Variants in RPRD1B observed in about 807,000 individuals in gnomAD.
RPRD1B encodes regulation of nuclear pre-mRNA domain containing 1B, also known as regulation of nuclear pre-mRNA domain-containing protein 1B.
In RPRD1B, 11 loss-of-function variants were observed where a neutral mutation model predicts 41.5. The ratio of observed to expected loss-of-function variants is 0.27; its 90% CI spans 0.17 to 0.44. The LOEUF (loss-of-function observed/expected upper bound fraction) is 0.44. Among genes scored for constraint, RPRD1B ranks in the 20% least tolerant of loss-of-function variants. RPRD1B has a pLI of 1.00. For missense variants in RPRD1B, 248 were observed against 389.9 expected, an observed-to-expected ratio of 0.64 and a Z score of 3.06; for synonymous variants, 158 against 155.6, an observed-to-expected ratio of 1.02 and a Z score of -0.12.
At chr20:38,074,805 G>A (rs969227647) in intron 6 of RPRD1B, among the ~76,000 whole-genome samples, 1 of 152,066 alleles carries the variant, frequency 6.6e-6, no homozygotes, top group Non-Finnish European at 1.5e-5. Context: ...AGGAAACTTA[G>A]CAAATAAGTA....
At chr20:38,038,136 C>G (rs971426796) in intron 1 of RPRD1B, among the ~76,000 whole-genome samples, 1 of 152,136 alleles carries the variant, frequency 6.6e-6, no homozygotes, top group African/African-American at 2.4e-5. Context: ...CTCCAGGTTC[C>G]TAGTATTCTT....
chr20:38,047,538 A>G (rs947287849), intron 2 of RPRD1B, among the ~76,000 whole-genome samples: 2 of 151,976 alleles, frequency 1.3e-5, no homozygotes, highest in Admixed American at 6.5e-5. Context: ...AAAACAGAAG[A>G]TTTCATGGTA....
intron 1 of RPRD1B, among the ~76,000 whole-genome samples, 181 bp from the exon 2 acceptor site, chr20:38,040,241 CTTTTTCTTTTTTT>C (rs907036710): frequency 3.9e-5 from 4 of 102,408 alleles, no homozygotes; most frequent in African/African-American, 2.1e-4. Flanking sequence ...CATTCTTTTT[CTTTTTCTTTTTTT>C]TTTTTCCGAA....
At chr20:38,054,276 A>G (rs1026732047) in intron 3 of RPRD1B, among the ~76,000 whole-genome samples, 1 of 152,122 alleles carries the variant, frequency 6.6e-6, no homozygotes, top group Non-Finnish European at 1.5e-5. Context: ...AATGATTAGT[A>G]ATTCATGTCC....
Position 38,091,118 on chromosome 20 carries a change from T to C in RPRD1B, c.*1243T>C. On this transcript the variant is annotated 3_prime_UTR_variant, in exon 7 of 7. Transcript: ENST00000373433. ...GGTTCAGCCTGCCAATTGTAAATCA[T>C]TCTAATTTGGCAGGCTTATTTTTGA... 3.0e-6 allele frequency: 3 copies of C among 985,884 alleles called. No individual in the cohort carries two copies. The highest frequency in any genetic ancestry group is 2.4e-6 in the Non-Finnish European group (2 of 829,932). The allele number at this position is 985,884 out of a possible 1,614,324, so 61.1% of individuals were successfully genotyped here. A position where few individuals can be genotyped will look rare whatever the true frequency, so the allele number is the denominator to read the frequency against.
chr20:38,064,540 G>A (rs6097581), intron 5 of RPRD1B, among the ~76,000 whole-genome samples: 14,056 of 152,068 alleles, frequency 0.092, 850 homozygotes, highest in East Asian at 0.32. Context: ...TTAAAAATGA[G>A]TTATACATAT....
At chr20:38,066,298 T>A in intron 6 of RPRD1B, 42 bp downstream of exon 6, 1 of 1,583,522 alleles carries the variant, frequency 6.3e-7, no homozygotes, top group Non-Finnish European at 8.6e-7. Context: ...CACGTTTCCC[T>A]TCCTGTAGCC....
chr20:38,045,700 A>G (rs2074114022), intron 2 of RPRD1B, among the ~76,000 whole-genome samples: 2 of 152,138 alleles, frequency 1.3e-5, no homozygotes, highest in South Asian at 2.1e-4. Context: ...TGTGATACCC[A>G]CCTACTTTTA....
chr20:38,088,885 C>T (rs183844818), intron 6 of RPRD1B, among the ~76,000 whole-genome samples: 2 of 152,202 alleles, frequency 1.3e-5, no homozygotes, highest in Admixed American at 6.5e-5. Context: ...TCCAGATAGT[C>T]CAAGGAGCAG....
In RPRD1B at chr20:38,052,965, G is replaced by T. The variant is rs1600403182; in HGVS notation, c.415+4484G>T. Among the ~76,000 whole-genome samples, 4 of 152,018 alleles carry T rather than the reference G, an allele frequency of 2.6e-5. No homozygotes were observed. In the South Asian group the frequency reaches 6.2e-4, roughly 24 times the overall value. On this transcript the variant is annotated intron_variant, in intron 3 of 6. Transcript: ENST00000373433. Reference sequence around the variant, plus strand: ...TAAGAGGCATACCATAAACCCTTAGGTAACGAGGATTACTTAAGGTTAGCT... The same window carrying T: ...TAAGAGGCATACCATAAACCCTTAGTTAACGAGGATTACTTAAGGTTAGCT...
chr20:38,034,749 C>T (rs1159463347), intron 1 of RPRD1B, among the ~76,000 whole-genome samples: 1 of 152,190 alleles, frequency 6.6e-6, no homozygotes, highest in African/African-American at 2.4e-5. Context: ...CTCTCTCATG[C>T]AGTTGTCATT....
chr20:38,033,848 T>G lies in RPRD1B; in HGVS notation c.-100T>G. The G allele has an allele frequency of 1.6e-6, 2 of 1,236,414 alleles. No individual in the cohort carries two copies. The highest frequency in any genetic ancestry group is 2.5e-4 in the Middle Eastern group (1 of 3,930). 76.6% of individuals were successfully genotyped at this position (1,236,414 alleles called of 1,614,324 possible). A position where few individuals can be genotyped will look rare whatever the true frequency, so the allele number is the denominator to read the frequency against. On this transcript the variant is annotated 5_prime_UTR_variant, in exon 1 of 7. Coordinates refer to ENST00000373433, the MANE Select transcript of RPRD1B (RefSeq NM_021215.4). Reference sequence around the variant, plus strand: ...TGGCAGTCTGTCAGTCGGTAAAAAGTCCCGCAGCCTGTCAGGTGAGGCCCC... The same window carrying G: ...TGGCAGTCTGTCAGTCGGTAAAAAGGCCCGCAGCCTGTCAGGTGAGGCCCC...
chr20:38,060,552 G>A (rs1197923528), intron 5 of RPRD1B, among the ~76,000 whole-genome samples: 1 of 152,186 alleles, frequency 6.6e-6, no homozygotes, highest in Non-Finnish European at 1.5e-5. Flanking sequence ...TTTCTGATGA[G>A]ATGACCTTGA....
rs2074256044 is a variant in RPRD1B, at chr20:38,057,567, C to A, written c.451C>A (p.Gln151Lys). 1.9e-6 allele frequency: 3 copies of A among 1,614,122 alleles called. No individual in the cohort carries two copies. Among genetic ancestry groups the A allele is most frequent in the South Asian group, 2.2e-5 (2 of 91,086 alleles). The change falls in exon 4 of 7, where the codon CAG becomes AAG. Residue 151 changes from glutamine to lysine, a missense_variant. Around this residue, in one of 5 missense-constraint regions of RPRD1B, gnomAD observed 94 missense variants for 82.3 expected, o/e 1.14. Transcript: ENST00000373433. ...EEKKSLKRTF[Q>K]QIQEEEDDDY... The stretch of plus-strand genomic sequence containing the variant: ...GAAGAAATCTCTGAAACGAACTTTT[C>A]AGCAAATTCAGGAGGAGGAGGATGA...
At chr20:38,083,641 T>G (rs887864718) in intron 6 of RPRD1B, among the ~76,000 whole-genome samples, 1 of 152,234 alleles carries the variant, frequency 6.6e-6, no homozygotes, top group Non-Finnish European at 1.5e-5. Flanking sequence ...ATTTGGAGTT[T>G]CCCGTGGATG....
chr20:38,071,332 C>T (rs375673747), intron 6 of RPRD1B, among the ~76,000 whole-genome samples: 16 of 152,176 alleles, frequency 1.1e-4, no homozygotes, highest in East Asian at 3.8e-4. Context: ...TCTTTCGGCA[C>T]GATGTTTTCA....
chr20:38,044,001 T>TA (rs1209012559), intron 2 of RPRD1B, among the ~76,000 whole-genome samples: 3 of 152,162 alleles, frequency 2.0e-5, no homozygotes, highest in Non-Finnish European at 4.4e-5. Context: ...GATATTTACT[T>TA]ATTGTTGTGG....
At chr20:38,045,922 G>A (rs2074115954) in intron 2 of RPRD1B, among the ~76,000 whole-genome samples, 1 of 152,174 alleles carries the variant, frequency 6.6e-6, no homozygotes. Context: ...ATTGCCTGCA[G>A]GCCACGTGCT....
chr20:38,074,728 A>G (rs2074442968), intron 6 of RPRD1B, among the ~76,000 whole-genome samples: 1 of 152,236 alleles, frequency 6.6e-6, no homozygotes, highest in South Asian at 2.1e-4. Context: ...ACTCTGGTTC[A>G]ACTAGTACTC....
Sources: allele counts gnomAD v4.1 joint callset (sites outside exome capture counted in the v4.1 genomes callset), GRCh38; gene constraint gnomAD v4.1.1; regional missense constraint gnomAD v4.1.1; transcripts MANE v1.5; gene names NCBI Gene and HGNC (gene_info 2026-07-23, HGNC 2026-07-21).